RPS6KA3: variants seen among roughly 807,000 people sequenced by gnomAD.
The protein encoded by RPS6KA3 is ribosomal protein S6 kinase A3.
In RPS6KA3, 4 loss-of-function variants were observed where a neutral mutation model predicts 67.2. The ratio of observed to expected loss-of-function variants is 0.06; its 90% CI spans 0.03 to 0.14. RPS6KA3 has a LOEUF of 0.14. Ranked by LOEUF, RPS6KA3 falls within the 10% of genes least tolerant of loss-of-function variation. The pLI, the probability that RPS6KA3 is intolerant of heterozygous loss-of-function variation, is 1.00. For synonymous variants in RPS6KA3, 182 were observed against 183.7 expected, an observed-to-expected ratio of 0.99 and a Z score of 0.07; for missense variants, 204 against 559.0, an observed-to-expected ratio of 0.36 and a Z score of 6.40.
upstream of RPS6KA3, chrX:20,267,044 T>G: frequency 1.3e-6 from 1 of 753,516 alleles, no homozygotes. Context: ...GATACCTGTC[T>G]CTCAAAGCGA....
intron 1 of RPS6KA3, among the ~76,000 whole-genome samples, chrX:20,256,246 G>GAA (rs373307127): frequency 1.7e-5 from 1 of 57,421 alleles, no homozygotes; most frequent in African/African-American, 6.6e-5. Context: ...GACAGTCTAA[G>GAA]AAAAAAAAAA....
At chrX:20,212,779 G>T (rs1192868454) in intron 2 of RPS6KA3, among the ~76,000 whole-genome samples, 3 of 111,035 alleles carry the variant, frequency 2.7e-5, no homozygotes, top group African/African-American at 9.8e-5. Context: ...GGTCCCTTCA[G>T]TATAACAACC....
chrX:20,150,970 G>A lies in RPS6KA3; in HGVS notation c.*4428C>T, dbSNP rs990265114. The A allele has an allele frequency of 2.7e-5, 3 of 112,638 alleles. No homozygotes were observed. Among genetic ancestry groups the A allele is most frequent in the Non-Finnish European group, 5.6e-5 (3 of 53,287 alleles). 9.3% of individuals were successfully genotyped at this position (112,638 alleles called of 1,213,427 possible). A position where few individuals can be genotyped will look rare whatever the true frequency, so the allele number is the denominator to read the frequency against. On this transcript the variant is annotated 3_prime_UTR_variant, in exon 22 of 22. Coordinates refer to ENST00000379565, the MANE Select transcript of RPS6KA3 (RefSeq NM_004586.3). ...AGGAAAGTGCCTTAAGAGGTAGGAA[G>A]TAGGCTCTCATCCCAACCCTCGGTA...
intron 20 of RPS6KA3, among the ~76,000 whole-genome samples, chrX:20,158,162 C>T (rs775290454): frequency 1.8e-5 from 2 of 108,336 alleles, no homozygotes; most frequent in South Asian, 4.1e-4. Context: ...CCCAGGAGTT[C>T]GAGACCAGCC....
rs750506111 is a variant in RPS6KA3 at position 20,152,582 on chromosome X, A to G, written c.*2816T>C. ...AGAAGCCTTTAGGGGCCTCAATACC[A>G]CAACTGTAGGGGCCTGAATAATTGA... On this transcript the variant is annotated 3_prime_UTR_variant, in exon 22 of 22. Transcript: ENST00000379565. The G allele has an allele frequency of 8.9e-6, 1 of 112,374 alleles. No individual in the cohort carries two copies. Among genetic ancestry groups the G allele is most frequent in the African/African-American group, 3.2e-5 (1 of 30,978 alleles). The allele number at this position is 112,374 out of a possible 1,213,427, so 9.3% of individuals were successfully genotyped here. A position where few individuals can be genotyped will look rare whatever the true frequency, so the allele number is the denominator to read the frequency against.
intron 20 of RPS6KA3, among the ~76,000 whole-genome samples, chrX:20,158,191 T>A (rs756471703): frequency 5.0e-4 from 54 of 108,002 alleles, no homozygotes; most frequent in East Asian, 1.7e-3. Context: ...GTAGTGGGAC[T>A]CCATCTCTAC....
intron 18 of RPS6KA3, among the ~76,000 whole-genome samples, chrX:20,163,488 T>C (rs933018336): frequency 9.1e-6 from 1 of 110,013 alleles, no homozygotes; most frequent in African/African-American, 3.3e-5. Context: ...AAAAAAAATC[T>C]GATGGGAAAT....
At chrX:20,231,343 A>C (rs1249370043) in intron 2 of RPS6KA3, among the ~76,000 whole-genome samples, 2 of 112,047 alleles carry the variant, frequency 1.8e-5, no homozygotes, top group African/African-American at 3.2e-5. Flanking sequence ...ATATTGTTAA[A>C]ATAATTTTTC....
intron 1 of RPS6KA3, among the ~76,000 whole-genome samples, chrX:20,255,789 C>CAAAAA (rs766544803): frequency 8.2e-4 from 14 of 17,153 alleles, no homozygotes; most frequent in Non-Finnish European, 1.0e-3. Context: ...AATTTCGTCT[C>CAAAAA]AAAAAAAAAA....
intron 2 of RPS6KA3, among the ~76,000 whole-genome samples, chrX:20,224,118 GA>G (rs113719467): frequency 0.35 from 39,297 of 110,843 alleles, 8,744 homozygotes; most frequent in African/African-American, 0.83. Flanking sequence ...CACACTGGAT[GA>G]AACAGACTAA....
chrX:20,160,809 T>C (rs1046580668), intron 20 of RPS6KA3, among the ~76,000 whole-genome samples: 1 of 112,356 alleles, frequency 8.9e-6, no homozygotes, highest in Admixed American at 9.5e-5. Context: ...CTTCAGGCCC[T>C]AGGCCAACAG....
At chrX:20,180,226 C>T (rs150811982) in intron 10 of RPS6KA3, among the ~76,000 whole-genome samples, 11,514 of 109,406 alleles carry the variant, frequency 0.11, 599 homozygotes, top group Non-Finnish European at 0.14. Flanking sequence ...AACTTTACAA[C>T]GGAGGAATCA....
At chrX:20,261,611 A>G (rs774885759) in intron 1 of RPS6KA3, among the ~76,000 whole-genome samples, 75 of 112,587 alleles carry the variant, frequency 6.7e-4, no homozygotes, top group African/African-American at 2.4e-3. Flanking sequence ...AAATAATCAT[A>G]ATGTGCTATA....
chrX:20,231,927 C>T (rs908652290), intron 2 of RPS6KA3, among the ~76,000 whole-genome samples: 1 of 110,982 alleles, frequency 9.0e-6, no homozygotes, highest in South Asian at 3.9e-4. Context: ...TTTAAACCAC[C>T]CAGTTTGTGG....
intron 4 of RPS6KA3, among the ~76,000 whole-genome samples, chrX:20,201,094 G>A (rs1044005521): frequency 1.8e-5 from 2 of 111,309 alleles, no homozygotes; most frequent in African/African-American, 6.5e-5. Context: ...AGCTATTTCC[G>A]CAGGTTAATG....
chrX:20,156,054 T>C, intron 21 of RPS6KA3, 55 bp downstream of exon 21: 1 of 1,164,657 alleles, frequency 8.6e-7, no homozygotes, highest in Non-Finnish European at 1.2e-6. Flanking sequence ...ACAGGGCTTC[T>C]TGAAGTCTCT....
intron 16 of RPS6KA3, among the ~76,000 whole-genome samples, chrX:20,168,660 G>A (rs2067498946): frequency 9.0e-6 from 1 of 111,580 alleles, no homozygotes; most frequent in African/African-American, 3.3e-5. Flanking sequence ...TATTAACACT[G>A]AACATTTAGG....
rs753524682 is a variant in RPS6KA3, at chrX:20,218,874, GACGGTAAAACTTA to G, written c.127-9483_127-9471del. ...CCATGATGGTGATAAAAGAATTTCT[GACGGTAAAACTTA>G]AGTTAGAAAGGGAAGGCCAAGCCCC... On this transcript the variant is annotated intron_variant, in intron 2 of 21. Coordinates refer to ENST00000379565, the MANE Select transcript of RPS6KA3 (RefSeq NM_004586.3). 27 of 1,171,053 alleles carry G rather than the reference GACGGTAAAACTTA, an allele frequency of 2.3e-5. No individual in the cohort carries two copies. In the South Asian group the frequency reaches 3.8e-4, roughly 17 times the overall value.
At chrX:20,190,367 T>C (rs767514647) in intron 7 of RPS6KA3, among the ~76,000 whole-genome samples, 2 of 112,265 alleles carry the variant, frequency 1.8e-5, no homozygotes, top group South Asian at 3.7e-4. Flanking sequence ...TGGTATTTAC[T>C]TGTATAATTC....
Sources: allele counts gnomAD v4.1 joint callset (sites outside exome capture counted in the v4.1 genomes callset), GRCh38; gene constraint gnomAD v4.1.1; transcripts MANE v1.5; gene names NCBI Gene and HGNC (gene_info 2026-07-23, HGNC 2026-07-21).